TBL1X: variants seen among roughly 807,000 people sequenced by gnomAD.
The protein encoded by TBL1X is F-box-like/WD repeat-containing protein TBL1X.
Under a neutral mutation model 50.7 loss-of-function variants are expected in TBL1X, and 10 were observed. The observed-to-expected ratio is 0.20, with a 90% CI of 0.12 to 0.33. The LOEUF is 0.33. Ranked by LOEUF, TBL1X falls within the 10% of genes least tolerant of loss-of-function variation. The pLI, the probability that TBL1X is intolerant of heterozygous loss-of-function variation, is 1.00. For missense variants in TBL1X, 340 were observed against 504.4 expected (o/e 0.67, Z 3.12); for synonymous variants, 190 against 214.7 (o/e 0.88, Z 1.01).
At chrX:9,621,653 C>T (rs1444436696) in intron 2 of TBL1X, among the ~76,000 whole-genome samples, 2 of 112,398 alleles carry the variant, frequency 1.8e-5, no homozygotes, top group Non-Finnish European at 3.7e-5. Context: ...ACCACAAGCA[C>T]AGTCCTGAAC....
intron 1 of TBL1X, among the ~76,000 whole-genome samples, chrX:9,496,790 A>G (rs1295013736): frequency 8.9e-6 from 1 of 111,788 alleles, no homozygotes; most frequent in Non-Finnish European, 1.9e-5. Flanking sequence ...ATGAGGGTGG[A>G]AAGGGAACCA....
chrX:9,704,541 C>A (rs1404339022), intron 12 of TBL1X, among the ~76,000 whole-genome samples: 3 of 111,390 alleles, frequency 2.7e-5, no homozygotes, highest in Non-Finnish European at 5.7e-5. Flanking sequence ...TCTTTAAGGT[C>A]TTAGAAAGAG....
intron 2 of TBL1X, among the ~76,000 whole-genome samples, chrX:9,519,086 G>A (rs2082094801): frequency 9.0e-6 from 1 of 111,359 alleles, no homozygotes. Flanking sequence ...CCTGGACTAG[G>A]GAGATAACAC....
intron 12 of TBL1X, among the ~76,000 whole-genome samples, chrX:9,699,225 C>T (rs2083154215): frequency 9.0e-6 from 1 of 111,648 alleles, no homozygotes; most frequent in African/African-American, 3.3e-5. Flanking sequence ...AAGTGATCTG[C>T]CCACCTCGGT....
At chrX:9,470,100 A>C (rs936225272) in intron 1 of TBL1X, among the ~76,000 whole-genome samples, 5 of 112,119 alleles carry the variant, frequency 4.5e-5, no homozygotes, top group African/African-American at 6.5e-5. Context: ...CCTTTTTAAA[A>C]TTTTTTAAAA....
intron 2 of TBL1X, among the ~76,000 whole-genome samples, chrX:9,555,606 T>C (rs1009637412): frequency 5.4e-5 from 6 of 111,559 alleles, no homozygotes; most frequent in African/African-American, 2.0e-4. Context: ...GTTTAACTTT[T>C]TGAGGAACTG....
At chrX:9,681,686 T>G (rs1454161242) in intron 5 of TBL1X, among the ~76,000 whole-genome samples, 1 of 112,736 alleles carries the variant, frequency 8.9e-6, no homozygotes, top group Non-Finnish European at 1.9e-5. Context: ...TGAGGTTTGC[T>G]TGTCAGGTGC....
At chrX:9,557,693 G>A (rs1188217015) in intron 2 of TBL1X, among the ~76,000 whole-genome samples, 1 of 111,536 alleles carries the variant, frequency 9.0e-6, no homozygotes, top group Admixed American at 9.5e-5. Flanking sequence ...GAAGCAGGCA[G>A]AGGAAATATG....
chrX:9,490,126 T>G (rs1181066455), intron 1 of TBL1X, among the ~76,000 whole-genome samples: 1 of 87,616 alleles, frequency 1.1e-5, no homozygotes, highest in Non-Finnish European at 2.3e-5. Flanking sequence ...CTCACCACAT[T>G]CAGCTACTTT....
chrX:9,610,343 G>T (rs935521090), intron 2 of TBL1X, among the ~76,000 whole-genome samples: 1 of 112,439 alleles, frequency 8.9e-6, no homozygotes, highest in Non-Finnish European at 1.9e-5. Flanking sequence ...AGCCAATAAC[G>T]GATTATTTTT....
At chrX:9,627,360 A>G (rs2082697897) in intron 2 of TBL1X, among the ~76,000 whole-genome samples, 1 of 112,108 alleles carries the variant, frequency 8.9e-6, no homozygotes, top group Admixed American at 9.5e-5. Context: ...AATGAGAGAG[A>G]TGTACATGTG....
intron 2 of TBL1X, among the ~76,000 whole-genome samples, chrX:9,597,614 T>A (rs989424234): frequency 3.6e-5 from 4 of 111,881 alleles, no homozygotes; most frequent in African/African-American, 1.3e-4. Flanking sequence ...GCTGACAGAG[T>A]GCTTTTGAAA....
At chrX:9,587,999 T>TTA (rs750672156) in intron 2 of TBL1X, among the ~76,000 whole-genome samples, 2 of 111,988 alleles carry the variant, frequency 1.8e-5, no homozygotes, top group African/African-American at 6.5e-5. Context: ...ACTGTATGTA[T>TTA]TATATATGTA....
intron 12 of TBL1X, among the ~76,000 whole-genome samples, chrX:9,697,826 G>A (rs2083141754): frequency 8.9e-6 from 1 of 112,256 alleles, no homozygotes; most frequent in African/African-American, 3.2e-5. Context: ...GCTGATGCCT[G>A]TAATTCCAGC....
At chrX:9,699,950 G>C (rs1329664305) in intron 12 of TBL1X, among the ~76,000 whole-genome samples, 2 of 111,823 alleles carry the variant, frequency 1.8e-5, no homozygotes, top group African/African-American at 6.5e-5. Context: ...GAGACAAAAG[G>C]CTCCCAATGC....
At chrX:9,554,760 A>C (rs1299762171) in intron 2 of TBL1X, among the ~76,000 whole-genome samples, 2 of 112,204 alleles carry the variant, frequency 1.8e-5, no homozygotes, top group African/African-American at 6.5e-5. Context: ...GATATAATTT[A>C]CATACCATAA....
Position 9,691,614 on chromosome X carries a change from G to A in TBL1X, c.652G>A (p.Val218Ile). The change falls in exon 8 of 18, where the codon GTT (valine) becomes ATT (isoleucine). Residue 218 changes from valine to isoleucine, a missense_variant. Coordinates refer to ENST00000645353, the MANE Select transcript of TBL1X (RefSeq NM_005647.4). ...HAKPMEIDGE[V>I]EIPSSKATVL... ...GAAGCCAATGGAAATAGATGGAGAG[G>A]TTGAGATTCCATCCAGCAAAGCCAC... 8.3e-7 allele frequency: 1 copy of A among 1,211,083 alleles called. No homozygotes were observed. The highest frequency in any genetic ancestry group is 1.8e-5 in the South Asian group (1 of 56,958).
chrX:9,475,813 T>C (rs940489390), intron 1 of TBL1X, among the ~76,000 whole-genome samples: 1 of 111,986 alleles, frequency 8.9e-6, no homozygotes, highest in Non-Finnish European at 1.9e-5. Flanking sequence ...AGAATTGATA[T>C]GTCAGCTTTA....
At chrX:9,574,212 C>T (rs1385758698) in intron 2 of TBL1X, among the ~76,000 whole-genome samples, 1 of 109,865 alleles carries the variant, frequency 9.1e-6, no homozygotes, top group Admixed American at 9.7e-5. Context: ...ATCTGTAGTC[C>T]TAGCAGGAGC....
Sources: gnomAD v4.1 joint callset for allele counts (sites outside exome capture counted in the v4.1 genomes callset) on GRCh38, gnomAD v4.1.1 for gene constraint, MANE v1.5 for transcripts, NCBI Gene and HGNC (gene_info 2026-07-23, HGNC 2026-07-21) for gene names.